Variants in NBEA observed in about 807,000 individuals in gnomAD.
NBEA encodes lysosomal-trafficking regulator 2.
Under a neutral mutation model 343.4 loss-of-function variants are expected in NBEA, and 44 were observed. That is an observed-to-expected ratio of 0.13 (90% CI 0.10 to 0.16). The LOEUF (loss-of-function observed/expected upper bound fraction) is 0.16, where lower values mean the gene tolerates loss of function less well. Among genes scored for constraint, NBEA ranks in the 10% least tolerant of loss-of-function variants. The probability of loss-of-function intolerance (pLI) is 1.00; values close to 1 mark genes in which losing one functional copy is unlikely to be tolerated. For synonymous variants in NBEA, 1,175 were observed against 1,238.7 expected, an observed-to-expected ratio of 0.95 and a Z score of 1.08; for missense variants, 2,555 against 3,631.3, an observed-to-expected ratio of 0.70 and a Z score of 7.62.
intron 33 of NBEA, among the ~76,000 whole-genome samples, chr13:35,228,017 T>G (rs1272743275): frequency 6.6e-6 from 1 of 152,046 alleles, no homozygotes. Flanking sequence ...TGGATATTTC[T>G]TGAGGCCAGT....
At chr13:35,524,698 A>G (rs1435570607) in intron 41 of NBEA, among the ~76,000 whole-genome samples, 1 of 152,260 alleles carries the variant, frequency 6.6e-6, no homozygotes, top group African/African-American at 2.4e-5. Flanking sequence ...TTAAAATAAC[A>G]TTAAACTAGA....
intron 36 of NBEA, among the ~76,000 whole-genome samples, chr13:35,332,942 C>T (rs1338983169): frequency 1.3e-5 from 2 of 152,060 alleles, no homozygotes; most frequent in Admixed American, 6.6e-5. Context: ...GGAAGGAATT[C>T]CCTCAGTATA....
At chr13:35,339,560 A>T (rs1447032904) in intron 36 of NBEA, among the ~76,000 whole-genome samples, 2 of 152,118 alleles carry the variant, frequency 1.3e-5, no homozygotes, top group Non-Finnish European at 2.9e-5. Context: ...GCTATAAAGA[A>T]ATACCTGAGA....
At chr13:35,411,645 G>GTTT (rs537371619) in intron 38 of NBEA, among the ~76,000 whole-genome samples, 4,483 of 109,394 alleles carry the variant, frequency 0.041, 100 homozygotes, top group Non-Finnish European at 0.067. Flanking sequence ...TTTGTTTTTT[G>GTTT]TTTTGTTGTT....
chr13:35,632,392 C>A (rs201037744), intron 49 of NBEA, among the ~76,000 whole-genome samples: 1 of 152,076 alleles, frequency 6.6e-6, no homozygotes, highest in African/African-American at 2.4e-5. Context: ...CCTTCCCCAA[C>A]CTACTAAATA....
At chr13:34,977,216 A>C (rs2060209453) in intron 1 of NBEA, among the ~76,000 whole-genome samples, 1 of 151,978 alleles carries the variant, frequency 6.6e-6, no homozygotes, top group Non-Finnish European at 1.5e-5. Flanking sequence ...CTGCAATTAT[A>C]GGTGTGAGCC....
At chr13:35,127,363 T>C (rs2067187800) in intron 17 of NBEA, among the ~76,000 whole-genome samples, 1 of 152,212 alleles carries the variant, frequency 6.6e-6, no homozygotes, top group Non-Finnish European at 1.5e-5. Context: ...TCCAACCAAC[T>C]AGGAATGACT....
intron 8 of NBEA, among the ~76,000 whole-genome samples, chr13:35,059,548 A>G (rs2063387245): frequency 6.6e-6 from 1 of 151,896 alleles, no homozygotes; most frequent in South Asian, 2.1e-4. Flanking sequence ...CTTCGAGCTG[A>G]AAGAGAATTA....
intron 34 of NBEA, among the ~76,000 whole-genome samples, chr13:35,247,299 G>A (rs1260722998): frequency 1.3e-5 from 2 of 152,114 alleles, no homozygotes; most frequent in African/African-American, 4.8e-5. Context: ...AGTTCTGCCA[G>A]GAAACTTCAC....
intron 11 of NBEA, among the ~76,000 whole-genome samples, chr13:35,099,089 G>A (rs1957501506): frequency 6.9e-6 from 1 of 144,590 alleles, no homozygotes; most frequent in African/African-American, 2.6e-5. Context: ...GCAGTGGCAT[G>A]ATCTTGGCTC....
At chr13:35,396,123 G>A (rs976106923) in intron 38 of NBEA, among the ~76,000 whole-genome samples, 1 of 151,960 alleles carries the variant, frequency 6.6e-6, no homozygotes, top group Non-Finnish European at 1.5e-5. Flanking sequence ...TCAGACTCCT[G>A]GGCTGAGATG....
intron 41 of NBEA, among the ~76,000 whole-genome samples, chr13:35,509,060 C>T (rs1284083910): frequency 6.6e-6 from 1 of 152,180 alleles, no homozygotes; most frequent in African/African-American, 2.4e-5. Context: ...ACCAGGAGTC[C>T]CTCCCATGGG....
intron 22 of NBEA, 50 bp from the exon 23 acceptor site, chr13:35,161,700 A>G (rs1421842857): frequency 2.1e-6 from 3 of 1,422,346 alleles, no homozygotes; most frequent in Non-Finnish European, 2.9e-6. Flanking sequence ...TCATTTTAAA[A>G]TGAGGCATTT....
intron 41 of NBEA, among the ~76,000 whole-genome samples, chr13:35,490,743 T>G (rs1246581536): frequency 1.1e-5 from 1 of 89,306 alleles, no homozygotes; most frequent in East Asian, 2.7e-4. Context: ...TCTATATTAC[T>G]GTATGTACCT....
At chr13:35,547,698 G>T (rs1190493866) in intron 41 of NBEA, among the ~76,000 whole-genome samples, 1 of 152,066 alleles carries the variant, frequency 6.6e-6, no homozygotes, top group East Asian at 1.9e-4. Context: ...GACCAGCCTG[G>T]CCAACATGGT....
chr13:35,049,461 A>G (rs1165883200), intron 5 of NBEA, among the ~76,000 whole-genome samples: 1 of 151,858 alleles, frequency 6.6e-6, no homozygotes, highest in Non-Finnish European at 1.5e-5. Context: ...TAATGAGAGA[A>G]TCATATTTAA....
At chr13:35,386,408 C>A (rs1302406962) in intron 38 of NBEA, among the ~76,000 whole-genome samples, 1 of 152,088 alleles carries the variant, frequency 6.6e-6, no homozygotes. Flanking sequence ...GAAATTCTTG[C>A]AAAATGCTTT....
intron 18 of NBEA, among the ~76,000 whole-genome samples, chr13:35,147,905 G>A (rs1054239065): frequency 2.0e-5 from 3 of 152,118 alleles, no homozygotes; most frequent in African/African-American, 7.2e-5. Flanking sequence ...CACAAAAAAC[G>A]ATCTAATTAC....
intron 1 of NBEA, among the ~76,000 whole-genome samples, chr13:35,028,813 CT>C (rs1286225507): frequency 6.6e-6 from 1 of 151,228 alleles, no homozygotes; most frequent in Non-Finnish European, 1.5e-5. Context: ...CTCTAATATA[CT>C]TTCTTTCTCT....
Sources: allele counts gnomAD v4.1 joint callset (sites outside exome capture counted in the v4.1 genomes callset), GRCh38; gene constraint gnomAD v4.1.1; transcripts MANE v1.5; gene names NCBI Gene and HGNC (gene_info 2026-07-23, HGNC 2026-07-21).